Variants in GON4L observed in about 807,000 individuals in gnomAD.
GON4L encodes gon-4 like.
A neutral mutation model predicts 211.8 loss-of-function variants in GON4L; 87 were observed. The ratio of observed to expected loss-of-function variants is 0.41; its 90% CI spans 0.35 to 0.49. GON4L has a LOEUF of 0.49. Among genes scored for constraint, GON4L ranks in the 20% least tolerant of loss-of-function variants. The pLI, the probability that GON4L is intolerant of heterozygous loss-of-function variation, is 0.15. For synonymous variants in GON4L, 875 were observed against 962.6 expected (o/e 0.91, Z 1.68); for missense variants, 2,155 against 2,659.5 (o/e 0.81, Z 4.17).
rs1442685661 is a variant in GON4L, at chr1:155,765,522, G to C, written c.3951C>G (p.Thr1317=). 1 of 1,613,992 alleles carries C rather than the reference G, an allele frequency of 6.2e-7. No individual in the cohort carries two copies. The highest frequency in any genetic ancestry group is 8.5e-7 in the Non-Finnish European group (1 of 1,180,034). ...TGACAATTTCCTCTAAATCCCCAGG[G>C]GTAGGGTTGTTTAGAGACTCCTGGA... ...QGIQESLNNP[T]PGDLEEIVKM... Residue 1317 remains threonine, a synonymous_variant, in exon 21 of 32, where the codon ACC becomes ACG. Coordinates refer to ENST00000368331, the MANE Select transcript of GON4L (RefSeq NM_001282860.2).
intron 11 of GON4L, 25 bp downstream of exon 11, chr1:155,804,924 T>C: frequency 6.4e-7 from 1 of 1,570,708 alleles, no homozygotes; most frequent in South Asian, 1.1e-5. Context: ...ACAGTATACA[T>C]AATAAATCAC....
rs192457913 is a variant in GON4L, at chr1:155,757,342, G to T, written c.5254-19C>A. On this transcript the variant is annotated intron_variant, in intron 25 of 31. Transcript: ENST00000368331. The stretch of plus-strand genomic sequence containing the variant: ...TCTTGAGCTGAGGAGAGTCACAGAG[G>T]GAAAGAGGAAGTCTCCAGAGCCTCT... 525 of 1,611,380 alleles carry T rather than the reference G, an allele frequency of 3.3e-4. 10 individuals are homozygous for T. In the East Asian group the frequency reaches 9.7e-3, roughly 30 times the overall value.
chr1:155,789,458 C>A (rs963247315), intron 12 of GON4L, among the ~76,000 whole-genome samples: 1 of 151,684 alleles, frequency 6.6e-6, no homozygotes, highest in South Asian at 2.1e-4. Context: ...GGTGAAACCC[C>A]GTCTCTACTA....
chr1:155,768,954 C>T (rs1284712321), intron 19 of GON4L, among the ~76,000 whole-genome samples: 1 of 152,094 alleles, frequency 6.6e-6, no homozygotes, highest in African/African-American at 2.4e-5. Context: ...TTTCTGTGCA[C>T]ATCTTTGTAC....
chr1:155,847,200 C>T (rs1271636416), intron 2 of GON4L, among the ~76,000 whole-genome samples: 1 of 152,182 alleles, frequency 6.6e-6, no homozygotes, highest in East Asian at 1.9e-4. Flanking sequence ...ATAGCTCTAG[C>T]ACTCTCAGGC....
intron 10 of GON4L, among the ~76,000 whole-genome samples, chr1:155,808,639 T>A (rs1349303784): frequency 6.6e-6 from 1 of 152,136 alleles, no homozygotes; most frequent in Non-Finnish European, 1.5e-5. Context: ...TTTTTGTTTT[T>A]TGTTTTTTTG....
intron 28 of GON4L, 47 bp downstream of exon 28, chr1:155,754,328 T>A: frequency 9.0e-7 from 1 of 1,114,250 alleles, no homozygotes; most frequent in Non-Finnish European, 1.4e-6. Context: ...TAGCAAACAA[T>A]CCCCCAGCAG....
intron 5 of GON4L, 130 bp downstream of exon 5, chr1:155,821,344 A>C: frequency 1.9e-6 from 1 of 534,988 alleles, no homozygotes; most frequent in Non-Finnish European, 3.6e-6. Flanking sequence ...AGTAATTCTT[A>C]TGTTTTGAAA....
chr1:155,753,948 C>A, intron 28 of GON4L: 1 of 271,456 alleles, frequency 3.7e-6, no homozygotes, highest in Non-Finnish European at 7.2e-6. Flanking sequence ...TGGCTCACTG[C>A]AACCTCTGCC....
intron 14 of GON4L, among the ~76,000 whole-genome samples, chr1:155,779,274 A>G (rs1571713912): frequency 6.6e-6 from 1 of 151,738 alleles, no homozygotes; most frequent in East Asian, 1.9e-4. Flanking sequence ...AAAAAAAAAA[A>G]GAAAAAAGAA....
rs1234859369 is a variant in GON4L at position 155,750,650 on chromosome 1, A to G, written c.6660T>C (p.Ser2220=). Residue 2220 remains serine, a synonymous_variant, in exon 32 of 32, where the codon AGT becomes AGC. Coordinates refer to ENST00000368331, the MANE Select transcript of GON4L (RefSeq NM_001282860.2). ...CAGACAGCTGGTCTGCATTGCTGGT[A>G]CTGGTTGCATCATCCTCATCCTCAG... The part of the protein sequence containing the change: ...ASSEDEDDAT[S]TSNADQLSDH... 6 of 1,574,998 alleles carry G rather than the reference A, an allele frequency of 3.8e-6. No homozygotes were observed. Among genetic ancestry groups the G allele is most frequent in the Non-Finnish European group, 5.2e-6 (6 of 1,153,524 alleles).
rs2101991394 is a variant in GON4L at position 155,795,033 on chromosome 1, A to G, written c.1747+17T>C. The stretch of plus-strand genomic sequence containing the variant: ...CAAAGCAGTCAAGAGCAGGACTTAG[A>G]ATAAACACAGACTCACTGGTGATTC... On this transcript the variant is annotated intron_variant, in intron 12 of 31. Coordinates refer to ENST00000368331, the MANE Select transcript of GON4L (RefSeq NM_001282860.2). 2.8e-6 allele frequency: 4 copies of G among 1,404,166 alleles called. No homozygotes were observed. The highest frequency in any genetic ancestry group is 4.0e-6 in the Non-Finnish European group (4 of 987,856). 87.0% of individuals were successfully genotyped at this position (1,404,166 alleles called of 1,614,324 possible). A position where few individuals can be genotyped will look rare whatever the true frequency, so the allele number is the denominator to read the frequency against.
chr1:155,776,507 G>C, intron 15 of GON4L, 26 bp from the exon 16 acceptor site: 1 of 1,501,234 alleles, frequency 6.7e-7, no homozygotes, highest in Non-Finnish European at 9.3e-7. Context: ...AAATGATGAA[G>C]TGACATGTTA....
intron 10 of GON4L, among the ~76,000 whole-genome samples, chr1:155,806,373 C>A (rs1336272643): frequency 2.6e-5 from 4 of 151,884 alleles, no homozygotes; most frequent in Admixed American, 2.6e-4. Context: ...GAATTCCTGA[C>A]CTCAGGTGAC....
rs1265078632 is a variant in GON4L at position 155,750,513 on chromosome 1, A to G, written c.*71T>C. On this transcript the variant is annotated 3_prime_UTR_variant, in exon 32 of 32. Transcript: ENST00000368331. ...CTGGGCTCAAGGACTGTACAAGCAG[A>G]GTACAACTACCCCCTCCCCGGTGCC... 2.2e-6 allele frequency: 3 copies of G among 1,373,372 alleles called. No homozygotes were observed. Among genetic ancestry groups the G allele is most frequent in the Non-Finnish European group, 3.1e-6 (3 of 964,156 alleles). 85.1% of individuals were successfully genotyped at this position (1,373,372 alleles called of 1,614,324 possible).
chr1:155,772,141 G>A (rs1411761875), intron 18 of GON4L, among the ~76,000 whole-genome samples: 1 of 151,356 alleles, frequency 6.6e-6, no homozygotes, highest in African/African-American at 2.4e-5. Context: ...TGACAAAAGT[G>A]AAACTCTGTT....
At position 155,752,250 on chromosome 1, in the gene GON4L, A is replaced by C. The variant is rs557569533; in HGVS notation, c.6183T>G (p.Asp2061Glu). The C allele has an allele frequency of 6.2e-7, 1 of 1,605,738 alleles. No individual in the cohort carries two copies. The highest frequency in any genetic ancestry group is 1.1e-5 in the South Asian group (1 of 90,826). Residue 2061 changes from aspartate to glutamate, a missense_variant, in exon 30 of 32, where the codon GAT becomes GAG. Transcript: ENST00000368331. The stretch of plus-strand genomic sequence containing the variant: ...TCCCGGACACATGTCTTCTCCCTGC[A>C]TCTCTGGTCTTTGAGGAAACAGGAC... ...FLSPVSSKTRDAGRRHVSGKP... is the reference protein window; with the variant it reads ...FLSPVSSKTREAGRRHVSGKP...
At chr1:155,852,738 G>A (rs13376235) in intron 2 of GON4L, among the ~76,000 whole-genome samples, 9,978 of 152,066 alleles carry the variant, frequency 0.066, 408 homozygotes, top group African/African-American at 0.11. Flanking sequence ...GCGAGACTCC[G>A]TCTCAAAAAA....
intron 2 of GON4L, among the ~76,000 whole-genome samples, chr1:155,843,273 C>T (rs1366002501): frequency 1.3e-5 from 2 of 152,152 alleles, no homozygotes; most frequent in Admixed American, 1.3e-4. Context: ...AGAATTATAG[C>T]ATCAGGAAAT....
Sources: gnomAD v4.1 joint callset for allele counts (sites outside exome capture counted in the v4.1 genomes callset) on GRCh38, gnomAD v4.1.1 for gene constraint, MANE v1.5 for transcripts, NCBI Gene and HGNC (gene_info 2026-07-23, HGNC 2026-07-21) for gene names.